The following ANK3 variants were observed in gnomAD, a reference collection of about 807,000 sequenced individuals.
The protein encoded by ANK3 is ankyrin-3.
A neutral mutation model predicts 370.9 loss-of-function variants in ANK3; 57 were observed. That is an observed-to-expected ratio of 0.15 (90% CI 0.12 to 0.19). ANK3 has a LOEUF of 0.19. Ranked by LOEUF, ANK3 falls within the 10% of genes least tolerant of loss-of-function variation. ANK3 has a pLI of 1.00. For synonymous variants in ANK3, 1,929 were observed against 1,946.3 expected (o/e 0.99, Z 0.23); for missense variants, 4,439 against 5,302.1 (o/e 0.84, Z 5.06).
chr10:60,625,997 T>TA, intron 1 of ANK3, among the ~76,000 whole-genome samples: 1 of 151,910 alleles, frequency 6.6e-6, no homozygotes, highest in East Asian at 1.9e-4. Context: ...TAAGGGTTCT[T>TA]ATATTTCTTT....
intron 1 of ANK3, among the ~76,000 whole-genome samples, chr10:60,335,434 T>C (rs1465204582): frequency 2.6e-5 from 4 of 152,160 alleles, no homozygotes; most frequent in Non-Finnish European, 5.9e-5. Flanking sequence ...TTCTAGACCA[T>C]CTATAAAATT....
chr10:60,262,359 T>C (rs1203372197), intron 6 of ANK3, among the ~76,000 whole-genome samples: 1 of 152,244 alleles, frequency 6.6e-6, no homozygotes, highest in Non-Finnish European at 1.5e-5. Context: ...TTGATATAGA[T>C]TCATATTACT....
rs368056914 is a variant in ANK3, at chr10:60,527,760, A to C, written c.96+87426T>G. Among the ~76,000 whole-genome samples, 18 of 152,184 alleles carry C rather than the reference A, an allele frequency of 1.2e-4. 1 individual carries two copies. In the East Asian group the frequency reaches 2.1e-3, roughly 18 times the overall value. On this transcript the variant is annotated intron_variant, in intron 2 of 43. Coordinates refer to the ANK3 transcript ENST00000373827. ...TTCAAACTGTAATTTTGCCTGCTAA[A>C]GGCTCTCTTGCAATGCAATCTAAAT...
rs111415286 is a variant in ANK3, at chr10:60,415,030, G to A, written c.97-135391C>T. ...CTGAGTGGACCAGTCCCTGACACAC[G>A]CCTGGGGGAATCTCCATGCCAGAGG... On this transcript the variant is annotated intron_variant, in intron 2 of 43. Coordinates refer to the ANK3 transcript ENST00000373827. Among the ~76,000 whole-genome samples the A allele has an allele frequency of 2.8e-3, 431 of 152,276 alleles. 1 individual carries two copies. The highest frequency in any genetic ancestry group is 4.8e-3 in the Non-Finnish European group (324 of 68,020).
intron 2 of ANK3, among the ~76,000 whole-genome samples, chr10:60,397,986 A>T (rs2063277387): frequency 6.6e-6 from 1 of 152,160 alleles, no homozygotes; most frequent in South Asian, 2.1e-4. Context: ...CATCCTACTT[A>T]TCTTTTGTAT....
chr10:60,140,670 A>C, intron 23 of ANK3: 3 of 1,307,672 alleles, frequency 2.3e-6, no homozygotes, highest in Non-Finnish European at 1.9e-6. Context: ...ACATCCTTTT[A>C]AAGCTCCTTC....
At chr10:60,480,427 C>T (rs2075181436) in intron 2 of ANK3, among the ~76,000 whole-genome samples, 1 of 151,982 alleles carries the variant, frequency 6.6e-6, no homozygotes, top group Non-Finnish European at 1.5e-5. Flanking sequence ...TAATTTGTGG[C>T]CCAGAGATCT....
chr10:60,372,018 C>A (rs574635173), intron 1 of ANK3, among the ~76,000 whole-genome samples: 1 of 152,228 alleles, frequency 6.6e-6, no homozygotes, highest in East Asian at 1.9e-4. Context: ...CAATGGAAAA[C>A]ACAGACGATA....
At chr10:60,509,206 T>C (rs1385292984) in intron 2 of ANK3, among the ~76,000 whole-genome samples, 2 of 151,860 alleles carry the variant, frequency 1.3e-5, no homozygotes, top group Admixed American at 6.6e-5. Flanking sequence ...TCTTGAGACA[T>C]AGGAAATATG....
At chr10:60,152,913 G>T (rs2095196875) in intron 23 of ANK3, among the ~76,000 whole-genome samples, 1 of 151,726 alleles carries the variant, frequency 6.6e-6, no homozygotes, top group Non-Finnish European at 1.5e-5. Flanking sequence ...ATAGTTTATT[G>T]TCATCTGGTT....
chr10:60,334,240 G>A (rs1235397544), intron 1 of ANK3, among the ~76,000 whole-genome samples: 2 of 152,036 alleles, frequency 1.3e-5, no homozygotes. Context: ...GGCTTCACAT[G>A]TTTATTTTGA....
chr10:60,058,591 A>G (rs1269013957), intron 41 of ANK3, among the ~76,000 whole-genome samples: 1 of 152,218 alleles, frequency 6.6e-6, no homozygotes, highest in Non-Finnish European at 1.5e-5. Flanking sequence ...CATTTAAAAA[A>G]TCATGCGTAG....
intron 2 of ANK3, among the ~76,000 whole-genome samples, chr10:60,576,695 C>T: frequency 6.6e-6 from 1 of 152,282 alleles, no homozygotes; most frequent in Admixed American, 6.5e-5. Context: ...TCCCTTGATA[C>T]CATTCATCAA....
At chr10:60,479,656 T>C (rs1453115846) in intron 2 of ANK3, among the ~76,000 whole-genome samples, 2 of 152,152 alleles carry the variant, frequency 1.3e-5, no homozygotes, top group African/African-American at 4.8e-5. Flanking sequence ...GAGGCTATCA[T>C]GAAACTGAAA....
intron 27 of ANK3, chr10:60,108,268 G>A: frequency 2.4e-6 from 1 of 408,310 alleles, no homozygotes; most frequent in Non-Finnish European, 4.8e-6. Context: ...GGGGAGGATT[G>A]GTAGGAAGAT....
intron 40 of ANK3, chr10:60,059,826 TC>T: frequency 6.2e-7 from 1 of 1,614,242 alleles, no homozygotes; most frequent in Non-Finnish European, 8.5e-7. Context: ...TGGAGGTCCA[TC>T]TGCGGAATGC....
At chr10:60,463,681 A>G (rs1251793480) in intron 2 of ANK3, among the ~76,000 whole-genome samples, 4 of 146,744 alleles carry the variant, frequency 2.7e-5, no homozygotes, top group Non-Finnish European at 5.9e-5. Context: ...ATCTTGCTTA[A>G]AAAAAAAAAC....
intron 1 of ANK3, among the ~76,000 whole-genome samples, chr10:60,716,657 A>T (rs978945189): frequency 5.9e-5 from 9 of 152,096 alleles, no homozygotes; most frequent in African/African-American, 1.4e-4. Flanking sequence ...AGAACTACAG[A>T]TGCATGCCAC....
chr10:60,397,827 T>C (rs2063274286), intron 2 of ANK3, among the ~76,000 whole-genome samples: 1 of 152,296 alleles, frequency 6.6e-6, no homozygotes, highest in East Asian at 1.9e-4. Context: ...TAAGGTCCTA[T>C]GTTTTGGAGA....
Sources: allele counts gnomAD v4.1 joint callset (sites outside exome capture counted in the v4.1 genomes callset), GRCh38; gene constraint gnomAD v4.1.1; transcripts MANE v1.5; gene names NCBI Gene and HGNC (gene_info 2026-07-23, HGNC 2026-07-21).